The following CAVIN2 variants were observed in gnomAD, a reference collection of about 807,000 sequenced individuals.
CAVIN2 encodes the protein caveolae-associated protein 2.
CAVIN2 carries 13 observed loss-of-function variants against 11.7 expected under a neutral mutation model. That is an observed-to-expected ratio of 1.11 (90% CI 0.72 to 1.77). The LOEUF (loss-of-function observed/expected upper bound fraction) is 1.77. Among genes scored for constraint, CAVIN2 ranks in the 40% most tolerant of loss-of-function variants. The probability of loss-of-function intolerance (pLI) is 0.00; values close to 1 mark genes in which losing one functional copy is unlikely to be tolerated. For synonymous variants in CAVIN2, 237 were observed against 223.2 expected (o/e 1.06, Z -0.55); for missense variants, 549 against 542.9 (o/e 1.01, Z -0.11).
intron 1 of CAVIN2, 62 bp downstream of exon 1, chr2:191,846,381 A>C: frequency 6.6e-7 from 1 of 1,510,230 alleles, no homozygotes; most frequent in Non-Finnish European, 8.9e-7. Context: ...AGCCAGGATG[A>C]GCGAGATCAA....
At chr2:191,838,378 G>A (rs994883460) in intron 1 of CAVIN2, among the ~76,000 whole-genome samples, 1 of 152,188 alleles carries the variant, frequency 6.6e-6, no homozygotes, top group Non-Finnish European at 1.5e-5. Flanking sequence ...ACAACCCTGT[G>A]TCTCCCCTTA....
chr2:191,843,837 A>G (rs1690128845), intron 1 of CAVIN2, among the ~76,000 whole-genome samples: 2 of 152,278 alleles, frequency 1.3e-5, no homozygotes, highest in South Asian at 2.1e-4. Context: ...TAACTATTTT[A>G]AATGTTATTT....
At position 191,835,410 on chromosome 2, in the gene CAVIN2, CTT is replaced by C. The variant is rs1689998288; in HGVS notation, c.*511_*512del. On this transcript the variant is annotated 3_prime_UTR_variant, in exon 2 of 2. Transcript: ENST00000304141. ...CAAGTAAACAACCAACTGATCATCT[CTT>C]TTTACCTTTCGTAGATGTTTTCTTC... 1 of 152,580 alleles carries C rather than the reference CTT, an allele frequency of 6.6e-6. No homozygotes were observed. Among genetic ancestry groups the C allele is most frequent in the Non-Finnish European group, 1.5e-5 (1 of 68,356 alleles). The allele number at this position is 152,580 out of a possible 1,614,324, so 9.5% of individuals were successfully genotyped here.
chr2:191,843,380 T>A (rs7598390), intron 1 of CAVIN2, among the ~76,000 whole-genome samples: 1 of 152,120 alleles, frequency 6.6e-6, no homozygotes, highest in African/African-American at 2.4e-5. Context: ...TTGTCTTAAA[T>A]TAGAAACAGT....
Position 191,846,641 on chromosome 2 carries a change from A to C in CAVIN2, c.285T>G (p.Asn95Lys), listed in dbSNP as rs1207613113. Reference sequence around the variant, plus strand: ...GGTACTTGGAGAGCTTGGTGAGGTCATTCTGGATGCCCTTCACGGAGCCCT... The same window carrying C: ...GGTACTTGGAGAGCTTGGTGAGGTCCTTCTGGATGCCCTTCACGGAGCCCT... ...SLEGSVKGIQ[N>K]DLTKLSKYQA... The change falls in exon 1 of 2, where the codon AAT (asparagine) becomes AAG (lysine). Residue 95 changes from asparagine (N) to lysine (K), a missense_variant. Transcript: ENST00000304141. 4 of 1,614,104 alleles carry C rather than the reference A, an allele frequency of 2.5e-6. No homozygotes were observed. The African/African-American group carries it at 4.0e-5, about 16-fold the overall frequency.
intron 1 of CAVIN2, 87 bp from the exon 2 acceptor site, chr2:191,836,804 A>C: frequency 5.5e-6 from 7 of 1,264,464 alleles, no homozygotes; most frequent in Non-Finnish European, 7.6e-6. Context: ...TCTGTTTTGG[A>C]GACACGGTGA....
In CAVIN2 at chr2:191,846,572, G is replaced by A. The variant is rs1218099220; in HGVS notation, c.354C>T (p.Ser118=). The change falls in exon 1 of 2, where the codon TCC becomes TCT. Residue 118 remains serine (S), a synonymous_variant. Transcript: ENST00000304141. ...SNTVSKLLEK[S]RKVSAHTRAV... is the part of the protein sequence containing the mutation. ...CGCGCGTGTGGGCGCTGACCTTGCG[G>A]GACTTCTCCAGCAGCTTGCTCACCG... 2 of 1,614,138 alleles carry A rather than the reference G, an allele frequency of 1.2e-6. No individual in the cohort carries two copies. Among genetic ancestry groups the A allele is most frequent in the East Asian group, 4.5e-5 (2 of 44,896 alleles).
At chr2:191,838,377 T>C (rs1483336381) in intron 1 of CAVIN2, among the ~76,000 whole-genome samples, 1 of 152,238 alleles carries the variant, frequency 6.6e-6, no homozygotes, top group Non-Finnish European at 1.5e-5. Context: ...TACAACCCTG[T>C]GTCTCCCCTT....
Position 191,835,844 on chromosome 2 carries a change from C to T in CAVIN2, c.*79G>A. 1 of 1,406,938 alleles carries T rather than the reference C, an allele frequency of 7.1e-7. No individual in the cohort carries two copies. The highest frequency in any genetic ancestry group is 9.7e-7 in the Non-Finnish European group (1 of 1,035,732). 87.2% of individuals were successfully genotyped at this position (1,406,938 alleles called of 1,614,324 possible). On this transcript the variant is annotated 3_prime_UTR_variant, in exon 2 of 2. Transcript: ENST00000304141. ...GGAACGCAGGAGTGGGTGAGTCGTGCTGGAGATGTGCAAGAGTTTGTTCTT... is the reference window on the plus strand; with the variant it reads ...GGAACGCAGGAGTGGGTGAGTCGTGTTGGAGATGTGCAAGAGTTTGTTCTT...
At chr2:191,842,830 T>TTC (rs975293720) in intron 1 of CAVIN2, among the ~76,000 whole-genome samples, 1 of 152,224 alleles carries the variant, frequency 6.6e-6, no homozygotes, top group African/African-American at 2.4e-5. Context: ...CAGTACAGAC[T>TTC]TAAAGAAGTA....
rs1171711952 is a variant in CAVIN2 at position 191,835,024 on chromosome 2, G to C, written c.*899C>G. 6.6e-6 allele frequency: 1 copy of C among 150,570 alleles called. No individual in the cohort carries two copies. The highest frequency in any genetic ancestry group is 1.5e-5 in the Non-Finnish European group (1 of 67,748). The allele number at this position is 150,570 out of a possible 1,614,324, so 9.3% of individuals were successfully genotyped here. ...ACTTCCTTAAAGAAATATTTGTAATGTCCTTTATTTATTAAGAAAAATACA... is the reference window on the plus strand; with the variant it reads ...ACTTCCTTAAAGAAATATTTGTAATCTCCTTTATTTATTAAGAAAAATACA... On this transcript the variant is annotated 3_prime_UTR_variant, in exon 2 of 2. Transcript: ENST00000304141.
intron 1 of CAVIN2, among the ~76,000 whole-genome samples, chr2:191,842,821 A>C (rs531961518): frequency 1.3e-5 from 2 of 152,390 alleles, no homozygotes; most frequent in Non-Finnish European, 2.9e-5. Flanking sequence ...TGTAACACTC[A>C]GTACAGACTT....
chr2:191,836,746 G>A, intron 1 of CAVIN2, 29 bp from the exon 2 acceptor site: 1 of 1,585,082 alleles, frequency 6.3e-7, no homozygotes, highest in Admixed American at 1.8e-5. Flanking sequence ...TAGGTTTCAT[G>A]TTAATAACAT....
chr2:191,836,289 C>T lies in CAVIN2; in HGVS notation c.912G>A (p.Glu304=). The change falls in exon 2 of 2, where the codon GAG becomes GAA. Residue 304 remains glutamate (E), a synonymous_variant. Coordinates refer to ENST00000304141, the MANE Select transcript of CAVIN2 (RefSeq NM_004657.6). The part of the protein sequence containing the change: ...PLTFGRKKVR[E]GESHAENETK... ...TCTCATTTTCTGCATGGCTTTCTCC[C>T]TCTCGGACTTTCTTCCGCCCGAAAG... The T allele has an allele frequency of 1.2e-6, 2 of 1,614,166 alleles. No homozygotes were observed. Among genetic ancestry groups the T allele is most frequent in the Non-Finnish European group, 1.7e-6 (2 of 1,180,044 alleles).
intron 1 of CAVIN2, 111 bp from the exon 2 acceptor site, chr2:191,836,828 A>G: frequency 9.5e-7 from 1 of 1,048,502 alleles, no homozygotes; most frequent in South Asian, 1.7e-5. Flanking sequence ...TAAAAAAACA[A>G]ATGTTTGTGG....
Position 191,836,727 on chromosome 2 carries a change from C to A in CAVIN2, c.484-10G>T. On this transcript the variant is annotated splice_polypyrimidine_tract_variant and intron_variant, in intron 1 of 1. Transcript: ENST00000304141. ...GGATCTCATTTTCCTCCTGAAAAGA[C>A]GGACAATGTAGGTTTCATGTTAATA... 1 of 1,607,698 alleles carries A rather than the reference C, an allele frequency of 6.2e-7. No homozygotes were observed. Among genetic ancestry groups the A allele is most frequent in the South Asian group, 1.1e-5 (1 of 90,684 alleles).
At chr2:191,840,893 C>A (rs1690082995) in intron 1 of CAVIN2, among the ~76,000 whole-genome samples, 1 of 152,188 alleles carries the variant, frequency 6.6e-6, no homozygotes. Flanking sequence ...GTCATATTCC[C>A]ACTGGGATGC....
intron 1 of CAVIN2, among the ~76,000 whole-genome samples, chr2:191,838,777 C>T (rs1343146143): frequency 6.6e-6 from 1 of 152,188 alleles, no homozygotes; most frequent in East Asian, 1.9e-4. Context: ...TCAACAGCTG[C>T]TTGTTAAATG....
Position 191,835,808 on chromosome 2 carries a change from C to G in CAVIN2, c.*115G>C, listed in dbSNP as rs146783914. On this transcript the variant is annotated 3_prime_UTR_variant, in exon 2 of 2. Transcript: ENST00000304141. ...ACTATGACTATATGGTCAATGATTA[C>G]TGCCTGGACAGGAACGCAGGAGTGG... is the stretch of plus-strand genomic sequence containing the variant. The G allele has an allele frequency of 9.8e-7, 1 of 1,017,890 alleles. No homozygotes were observed. The highest frequency in any genetic ancestry group is 1.6e-5 in the African/African-American group (1 of 62,162). 63.1% of individuals were successfully genotyped at this position (1,017,890 alleles called of 1,614,324 possible).
Sources: gnomAD v4.1 joint callset for allele counts (sites outside exome capture counted in the v4.1 genomes callset) on GRCh38, gnomAD v4.1.1 for gene constraint, MANE v1.5 for transcripts, NCBI Gene and HGNC (gene_info 2026-07-23, HGNC 2026-07-21) for gene names.